USP42: variants seen among roughly 807,000 people sequenced by gnomAD.
USP42 encodes ubiquitin specific peptidase 42, also known as ubiquitin carboxyl-terminal hydrolase 42.
A neutral mutation model predicts 113.0 loss-of-function variants in USP42; 23 were observed. The ratio of observed to expected loss-of-function variants is 0.20; its 90% CI spans 0.15 to 0.29. The LOEUF (loss-of-function observed/expected upper bound fraction) is 0.29. USP42 is among the 10% of genes least tolerant of loss of function. The pLI, the probability that USP42 is intolerant of heterozygous loss-of-function variation, is 1.00. For synonymous variants in USP42, 933 were observed against 699.0 expected, an observed-to-expected ratio of 1.33 and a Z score of -5.28; for missense variants, 2,174 against 1,779.8, an observed-to-expected ratio of 1.22 and a Z score of -3.99.
chr7:6,097,079 T>C, the USP42 span, among the ~76,000 whole-genome samples: 5 of 150,868 alleles, frequency 3.3e-5, no homozygotes, highest in Non-Finnish European at 7.4e-5. Flanking sequence ...GCTAATTTTG[T>C]ATGTTTAGTA....
At chr7:6,123,251 T>C (rs1780336319) in intron 3 of USP42, among the ~76,000 whole-genome samples, 1 of 152,190 alleles carries the variant, frequency 6.6e-6, no homozygotes, top group African/African-American at 2.4e-5. Flanking sequence ...AAGCTGGGCA[T>C]GATGGCTCAT....
At chr7:6,125,684 G>A (rs762208080) in intron 3 of USP42, among the ~76,000 whole-genome samples, 23 of 151,820 alleles carry the variant, frequency 1.5e-4, no homozygotes, top group Non-Finnish European at 1.6e-4. Context: ...TTACCTACTT[G>A]TTTACTGTTT....
At chr7:6,112,817 G>A (rs1204756884) in intron 2 of USP42, among the ~76,000 whole-genome samples, 1 of 151,716 alleles carries the variant, frequency 6.6e-6, no homozygotes, top group African/African-American at 2.4e-5. Flanking sequence ...TTCCAGTGTG[G>A]CCCAGGGAAG....
chr7:6,136,173 T>G (rs1781136888), intron 4 of USP42, among the ~76,000 whole-genome samples: 1 of 151,972 alleles, frequency 6.6e-6, no homozygotes. Flanking sequence ...CCAGGCTAAT[T>G]TTGTACTTTT....
At chr7:6,155,325 C>T in intron 15 of USP42, 130 bp downstream of exon 15, 1 of 1,384,136 alleles carries the variant, frequency 7.2e-7, no homozygotes, top group Non-Finnish European at 9.4e-7. Context: ...TTGTGTCTTT[C>T]ATTTCTGTGG....
intron 1 of USP42, among the ~76,000 whole-genome samples, chr7:6,109,918 C>T (rs1779502707): frequency 6.6e-6 from 1 of 151,452 alleles, no homozygotes. Context: ...CCAGACTGGT[C>T]TCAAACGCCT....
rs964219413 is a variant in USP42 at position 6,133,991 on chromosome 7, C to T, written c.443-1850C>T. Among the ~76,000 whole-genome samples the T allele has an allele frequency of 4.6e-5, 7 of 151,234 alleles. No individual in the cohort carries two copies. In the South Asian group the frequency reaches 1.0e-3, roughly 23 times the overall value. On this transcript the variant is annotated intron_variant, in intron 3 of 17. Coordinates refer to ENST00000306177, the MANE Select transcript of USP42 (RefSeq NM_032172.3). ...CTGCAAGCTCTGCTTCCTGGGTTCA[C>T]GCCATTCTCTTGCCTCAGCCTCCCG...
chr7:6,112,620 A>G (rs923117387), intron 2 of USP42, among the ~76,000 whole-genome samples: 2 of 152,202 alleles, frequency 1.3e-5, no homozygotes, highest in Non-Finnish European at 2.9e-5. Flanking sequence ...TTGAAATACA[A>G]TAGAATTTCC....
chr7:6,096,798 C>A, the USP42 span, among the ~76,000 whole-genome samples: 3 of 151,244 alleles, frequency 2.0e-5, 1 homozygote, highest in African/African-American at 7.4e-5. Context: ...TGGATCCCTG[C>A]AAGTCAGTGC....
Position 6,159,383 on chromosome 7 carries a change from AC to A in USP42, c.3944-66del. The stretch of plus-strand genomic sequence containing the variant: ...CTGACCATAGCCACTTAACGCACAC[AC>A]ACAGCAGAGGCCCTGGCGATTTTGC... On this transcript the variant is annotated intron_variant, in intron 16 of 17. Transcript: ENST00000306177. This position sits in a 1 kb window ranked among gnomAD's most constrained non-coding sequence, Gnocchi z 4.1. 11 of 1,609,990 alleles carry A rather than the reference AC, an allele frequency of 6.8e-6. No individual in the cohort carries two copies. Among genetic ancestry groups the A allele is most frequent in the Non-Finnish European group, 9.3e-6 (11 of 1,177,206 alleles).
chr7:6,110,766 G>A (rs958921655), intron 1 of USP42, among the ~76,000 whole-genome samples: 1 of 152,184 alleles, frequency 6.6e-6, no homozygotes, highest in Admixed American at 6.5e-5. Flanking sequence ...GTTTTAAGCA[G>A]TATAGAAGGA....
intron 3 of USP42, chr7:6,117,005 T>C (rs1779948092): frequency 2.5e-6 from 1 of 393,254 alleles, no homozygotes; most frequent in South Asian, 2.0e-5. Flanking sequence ...TTCCTCCCTC[T>C]CTTTCTCTCT....
upstream of USP42, among the ~76,000 whole-genome samples, chr7:6,103,654 G>C (rs557214628): frequency 6.9e-6 from 1 of 144,804 alleles, no homozygotes; most frequent in East Asian, 2.1e-4. Context: ...TAATCCCAGC[G>C]CTTTGGGAGG....
At position 6,154,537 on chromosome 7, in the gene USP42, G is replaced by A. The variant is rs780238206; in HGVS notation, c.2983G>A (p.Ala995Thr). ...GGAGCGCGACCGCCAGGACCGCCAC[G>A]CCCCGGAGCACCACCCCGGCCACGG... The part of the protein sequence containing the change: ...PRERDRQDRH[A>T]PEHHPGHGDR... The change falls in exon 15 of 18, where the codon GCC becomes ACC. Residue 995 changes from alanine to threonine, a missense_variant. Physicochemically the swap from Ala to Thr is moderately conservative, Grantham distance 58 (BLOSUM62 0). Coordinates refer to ENST00000306177, the MANE Select transcript of USP42 (RefSeq NM_032172.3). 2.6e-6 allele frequency: 4 copies of A among 1,543,706 alleles called. No homozygotes were observed. The South Asian group carries it at 3.6e-5, about 14-fold the overall frequency.
chr7:6,118,668 G>T (rs962941332), intron 3 of USP42, among the ~76,000 whole-genome samples: 1 of 152,084 alleles, frequency 6.6e-6, no homozygotes, highest in Admixed American at 6.6e-5. Flanking sequence ...TGTTTGTGAT[G>T]TGAAGATGGA....
At chr7:6,109,169 T>C (rs1274484009) in intron 1 of USP42, among the ~76,000 whole-genome samples, 1 of 151,952 alleles carries the variant, frequency 6.6e-6, no homozygotes, top group Non-Finnish European at 1.5e-5. Context: ...AAGTGTGAAC[T>C]GGCTGGAGGT....
chr7:6,102,529 A>G (rs1012097016), upstream of USP42, among the ~76,000 whole-genome samples: 19 of 150,538 alleles, frequency 1.3e-4, no homozygotes, highest in East Asian at 2.3e-3. Flanking sequence ...TGGGAGGTCC[A>G]AGCAGAGGAT....
intron 4 of USP42, 68 bp downstream of exon 4, chr7:6,136,019 T>C: frequency 2.8e-6 from 3 of 1,066,934 alleles, no homozygotes; most frequent in Non-Finnish European, 2.6e-6. Context: ...TTTTTTTTTT[T>C]TTCGAGACAG....
Position 6,155,130 on chromosome 7 carries a change from AAAG to A in USP42, c.3580_3582del (p.Lys1194del), listed in dbSNP as rs1562859501. ...AGGATCCTCTAGAAGAGCCTAAAGC[AAAG>A]AAGCACAAAAAATCAAAGAAGAAAA... is the stretch of plus-strand genomic sequence containing the variant. On this transcript the variant is annotated inframe_deletion, in exon 15 of 18. Coordinates refer to ENST00000306177, the MANE Select transcript of USP42 (RefSeq NM_032172.3). 6.4e-7 allele frequency: 1 copy of A among 1,551,030 alleles called. No individual in the cohort carries two copies. The highest frequency in any genetic ancestry group is 8.7e-7 in the Non-Finnish European group (1 of 1,148,690).
Sources: gnomAD v4.1 joint callset for allele counts (sites outside exome capture counted in the v4.1 genomes callset) on GRCh38, gnomAD v4.1.1 for gene constraint, Gnocchi (gnomAD v3.1) non-coding constraint, MANE v1.5 for transcripts, NCBI Gene and HGNC (gene_info 2026-07-23, HGNC 2026-07-21) for gene names.